Variants in UBE2E2 observed in about 807,000 individuals in gnomAD.
UBE2E2 encodes the protein ubiquitin conjugating enzyme E2 E2.
A neutral mutation model predicts 24.7 loss-of-function variants in UBE2E2; 6 were observed. The ratio of observed to expected loss-of-function variants is 0.24; its 90% CI spans 0.13 to 0.48. The LOEUF is 0.48. Ranked by LOEUF, UBE2E2 falls within the 20% of genes least tolerant of loss-of-function variation. UBE2E2 has a pLI of 0.99. For missense variants in UBE2E2, 169 were observed against 245.0 expected, an observed-to-expected ratio of 0.69 and a Z score of 2.07; for synonymous variants, 104 against 83.6, an observed-to-expected ratio of 1.24 and a Z score of -1.33.
At chr3:23,486,002 C>T (rs957424073) in intron 3 of UBE2E2, among the ~76,000 whole-genome samples, 29 of 152,136 alleles carry the variant, frequency 1.9e-4, no homozygotes, top group African/African-American at 6.5e-4. Context: ...CAGCTGGAAA[C>T]GTCTATGACC....
intron 3 of UBE2E2, among the ~76,000 whole-genome samples, chr3:23,230,561 G>T (rs1228980940): frequency 3.3e-5 from 5 of 152,108 alleles, no homozygotes; most frequent in African/African-American, 1.2e-4. Context: ...GAGGCGGGTG[G>T]ATCATTTGAG....
intron 2 of UBE2E2, among the ~76,000 whole-genome samples, chr3:23,215,372 C>T (rs1392656992): frequency 6.6e-6 from 1 of 152,120 alleles, no homozygotes; most frequent in Admixed American, 6.6e-5. Context: ...AGATTAACTA[C>T]AAGGCCAGTG....
At position 23,504,912 on chromosome 3, in the gene UBE2E2, C is replaced by CTTTTTTTTTTTTTT. The variant is rs150970405; in HGVS notation, c.360+5173_360+5186dup. Among the ~76,000 whole-genome samples the CTTTTTTTTTTTTTT allele has an allele frequency of 3.2e-4, 30 of 95,066 alleles. 4 individuals are homozygous for CTTTTTTTTTTTTTT. Among genetic ancestry groups the CTTTTTTTTTTTTTT allele is most frequent in the South Asian group, 4.2e-4 (1 of 2,372 alleles). The allele number at this position is 95,066 out of a possible 152,430, so 62.4% of individuals were successfully genotyped here. A position where few individuals can be genotyped will look rare whatever the true frequency, so the allele number is the denominator to read the frequency against. On this transcript the variant is annotated intron_variant, in intron 4 of 5. Transcript: ENST00000396703. ...AATGTTTCTGTTTCAGACATTCTTT[C>CTTTTTTTTTTTTTT]TTTTTTTTTTTTTTGAGACAGGGTC...
rs984230191 is a variant in UBE2E2, at chr3:23,335,575, A to G, written c.227+118263A>G. Among the ~76,000 whole-genome samples the G allele has an allele frequency of 3.3e-5, 5 of 152,306 alleles. No homozygotes were observed. In the South Asian group the frequency reaches 6.2e-4, roughly 19 times the overall value. Reference sequence around the variant, plus strand: ...AGACATGGTCTTACTCTGTCACTCAAGCTGTTGTGCAGTGGCACTATCATG... The same window carrying G: ...AGACATGGTCTTACTCTGTCACTCAGGCTGTTGTGCAGTGGCACTATCATG... On this transcript the variant is annotated intron_variant, in intron 3 of 5. Transcript: ENST00000396703.
intron 4 of UBE2E2, among the ~76,000 whole-genome samples, chr3:23,521,009 C>T (rs1694851262): frequency 1.3e-5 from 2 of 152,102 alleles, no homozygotes; most frequent in African/African-American, 4.8e-5. Flanking sequence ...GTATGAAAAG[C>T]TAAATCATCA....
chr3:23,246,439 G>A (rs1697404886), intron 3 of UBE2E2, among the ~76,000 whole-genome samples: 1 of 127,944 alleles, frequency 7.8e-6, no homozygotes, highest in African/African-American at 3.0e-5. Context: ...GTTTCAGTAT[G>A]TTGGCCAGGA....
chr3:23,360,627 A>T (rs896272039), intron 3 of UBE2E2, among the ~76,000 whole-genome samples: 1 of 152,146 alleles, frequency 6.6e-6, no homozygotes. Flanking sequence ...TTTTCCAGTT[A>T]ATACTTCATT....
intron 5 of UBE2E2, among the ~76,000 whole-genome samples, chr3:23,564,807 A>G (rs1018809702): frequency 3.3e-5 from 5 of 152,198 alleles, no homozygotes; most frequent in Non-Finnish European, 7.4e-5. Context: ...TCTTGGAGAA[A>G]GAATTAAAGT....
rs756061891 is a variant in UBE2E2 at position 23,590,306 on chromosome 3, T to C, written c.*475T>C. 6.4e-6 allele frequency: 1 copy of C among 155,972 alleles called. No homozygotes were observed. The highest frequency in any genetic ancestry group is 2.4e-5 in the African/African-American group (1 of 41,468). 9.7% of individuals were successfully genotyped at this position (155,972 alleles called of 1,614,324 possible). A position where few individuals can be genotyped will look rare whatever the true frequency, so the allele number is the denominator to read the frequency against. ...AATGTAGTGCTTAGGGTTAATTTTT[T>C]GTACTGAAGTCTTTATTGGTGGGTG... On this transcript the variant is annotated 3_prime_UTR_variant, in exon 6 of 6. Transcript: ENST00000396703.
At chr3:23,433,172 G>A (rs1465815375) in intron 3 of UBE2E2, among the ~76,000 whole-genome samples, 2 of 151,752 alleles carry the variant, frequency 1.3e-5, no homozygotes, top group African/African-American at 4.8e-5. Flanking sequence ...CACTGTTTCA[G>A]GCACCTAGGA....
chr3:23,353,054 T>C (rs1695809837), intron 3 of UBE2E2, among the ~76,000 whole-genome samples: 1 of 152,206 alleles, frequency 6.6e-6, no homozygotes, highest in Non-Finnish European at 1.5e-5. Context: ...GTGGGCTTCA[T>C]CCCTGGGATG....
At chr3:23,334,442 G>A (rs1449086111) in intron 3 of UBE2E2, among the ~76,000 whole-genome samples, 1 of 151,868 alleles carries the variant, frequency 6.6e-6, no homozygotes, top group South Asian at 2.1e-4. Context: ...GCGTATTGGT[G>A]GTACCTACTC....
intron 4 of UBE2E2, among the ~76,000 whole-genome samples, chr3:23,520,373 A>T (rs1317122466): frequency 6.6e-6 from 1 of 152,184 alleles, no homozygotes; most frequent in South Asian, 2.1e-4. Flanking sequence ...AGCTATTTTA[A>T]TTATTACTAT....
intron 3 of UBE2E2, among the ~76,000 whole-genome samples, chr3:23,223,864 A>G (rs1314216889): frequency 6.6e-6 from 1 of 152,118 alleles, no homozygotes; most frequent in Non-Finnish European, 1.5e-5. Flanking sequence ...CTTCATATAT[A>G]GTTATCCAGT....
chr3:23,510,588 C>A (rs141317436), intron 4 of UBE2E2, among the ~76,000 whole-genome samples: 4,385 of 151,542 alleles, frequency 0.029, 110 homozygotes, highest in East Asian at 0.13. Flanking sequence ...GCCTGGGTGA[C>A]AGAGCAAGAC....
At chr3:23,421,677 A>T (rs1169093623) in intron 3 of UBE2E2, among the ~76,000 whole-genome samples, 1 of 152,212 alleles carries the variant, frequency 6.6e-6, no homozygotes, top group Non-Finnish European at 1.5e-5. Context: ...AAGTGCTGGG[A>T]TTACAGACGT....
intron 3 of UBE2E2, among the ~76,000 whole-genome samples, chr3:23,483,415 T>C (rs1158387223): frequency 6.6e-6 from 1 of 152,246 alleles, no homozygotes; most frequent in Non-Finnish European, 1.5e-5. Context: ...ATAAAATGTC[T>C]TAATTCTTAT....
intron 3 of UBE2E2, among the ~76,000 whole-genome samples, chr3:23,277,172 G>T (rs1266808367): frequency 6.6e-6 from 1 of 151,964 alleles, no homozygotes; most frequent in South Asian, 2.1e-4. Context: ...GTAATATAGT[G>T]GGAGAATAAA....
intron 3 of UBE2E2, among the ~76,000 whole-genome samples, chr3:23,262,608 G>A (rs74879877): frequency 0.014 from 2,147 of 151,364 alleles, 50 homozygotes; most frequent in African/African-American, 0.05. Context: ...AATTATGTGG[G>A]GTTTTTTTTT....
Sources: allele counts gnomAD v4.1 joint callset (sites outside exome capture counted in the v4.1 genomes callset), GRCh38; gene constraint gnomAD v4.1.1; transcripts MANE v1.5; gene names NCBI Gene and HGNC (gene_info 2026-07-23, HGNC 2026-07-21).